RASGEF1C: variants seen among roughly 807,000 people sequenced by gnomAD.
RASGEF1C encodes the protein ras-GEF domain-containing family member 1C.
In RASGEF1C, 27 loss-of-function variants were observed where a neutral mutation model predicts 58.1. That is an observed-to-expected ratio of 0.46 (90% CI 0.34 to 0.64). The LOEUF (loss-of-function observed/expected upper bound fraction) is 0.64, where lower values mean the gene tolerates loss of function less well. Among genes scored for constraint, RASGEF1C ranks in the 30% least tolerant of loss-of-function variants. The probability of loss-of-function intolerance (pLI) is 0.01; values close to 1 mark genes in which losing one functional copy is unlikely to be tolerated. For synonymous variants in RASGEF1C, 243 were observed against 246.3 expected (o/e 0.99, Z 0.13); for missense variants, 502 against 605.1 (o/e 0.83, Z 1.79).
chr5:180,208,695 G>A (rs914890150), intron 1 of RASGEF1C, among the ~76,000 whole-genome samples: 3 of 152,066 alleles, frequency 2.0e-5, no homozygotes, highest in Non-Finnish European at 4.4e-5. Context: ...TGCGGGTGGA[G>A]GCTTTGGTCT....
chr5:180,142,798 T>G (rs935208319), intron 1 of RASGEF1C, among the ~76,000 whole-genome samples: 2 of 152,036 alleles, frequency 1.3e-5, no homozygotes, highest in African/African-American at 4.8e-5. Context: ...CCCCATCGTT[T>G]TAGAGTCATT....
chr5:180,111,612 C>T (rs762340797), intron 11 of RASGEF1C, 32 bp from the exon 12 acceptor site: 20 of 1,613,534 alleles, frequency 1.2e-5, no homozygotes, highest in African/African-American at 2.7e-5. Flanking sequence ...AGAATGGAGG[C>T]ACTCCAGTGC....
At chr5:180,127,395 C>T (rs1766280231) in intron 6 of RASGEF1C, among the ~76,000 whole-genome samples, 1 of 152,246 alleles carries the variant, frequency 6.6e-6, no homozygotes, top group Admixed American at 6.5e-5. Context: ...CCCCCACGTC[C>T]CGCACGTCCA....
At chr5:180,191,347 G>C (rs2127562821) in intron 1 of RASGEF1C, among the ~76,000 whole-genome samples, 1 of 143,750 alleles carries the variant, frequency 7.0e-6, no homozygotes, top group South Asian at 2.3e-4. Flanking sequence ...AATGTTCACA[G>C]TAGCTTTATT....
intron 1 of RASGEF1C, 99 bp from the exon 2 acceptor site, chr5:180,138,157 G>T: frequency 1.4e-6 from 1 of 700,034 alleles, no homozygotes; most frequent in South Asian, 2.2e-5. Context: ...GGCTGGGCAG[G>T]CTCCCCCCAC....
chr5:180,176,823 TG>T (rs2113318355), intron 1 of RASGEF1C, among the ~76,000 whole-genome samples: 1 of 152,304 alleles, frequency 6.6e-6, no homozygotes, highest in South Asian at 2.1e-4. Flanking sequence ...CCCAAAGTGC[TG>T]GGATTACAGG....
chr5:180,188,023 T>C (rs1756072190), intron 1 of RASGEF1C, among the ~76,000 whole-genome samples: 1 of 152,140 alleles, frequency 6.6e-6, no homozygotes, highest in African/African-American at 2.4e-5. Flanking sequence ...AACAAATACT[T>C]GTACATGAGT....
intron 1 of RASGEF1C, among the ~76,000 whole-genome samples, chr5:180,139,068 A>G (rs1356943361): frequency 6.6e-6 from 1 of 151,900 alleles, no homozygotes; most frequent in Admixed American, 6.6e-5. Flanking sequence ...TCTCTACCCA[A>G]ACCTCCAGGC....
chr5:180,102,307 C>T (rs952208731), intron 12 of RASGEF1C, among the ~76,000 whole-genome samples, 164 bp from the exon 13 acceptor site: 2 of 151,882 alleles, frequency 1.3e-5, no homozygotes, highest in Admixed American at 1.3e-4. Context: ...GACAGTAGTT[C>T]TATAACATTT....
chr5:180,204,616 C>CTCTA (rs56101660), intron 1 of RASGEF1C, among the ~76,000 whole-genome samples: 30,407 of 149,066 alleles, frequency 0.2, 3,403 homozygotes, highest in East Asian at 0.34. Flanking sequence ...ATGGATATTC[C>CTCTA]TCTATCTATC....
chr5:180,163,231 C>A (rs1278801531), intron 1 of RASGEF1C, among the ~76,000 whole-genome samples: 4 of 19,478 alleles, frequency 2.1e-4, no homozygotes, highest in East Asian at 9.2e-4. Flanking sequence ...CACCCCCTCA[C>A]TTTTTTTTTT....
intron 1 of RASGEF1C, among the ~76,000 whole-genome samples, chr5:180,203,450 A>G (rs1231310963): frequency 6.6e-6 from 1 of 152,230 alleles, no homozygotes. Context: ...ACATCCAGCC[A>G]AAATTTTAAG....
chr5:180,181,778 G>C (rs757690607), intron 1 of RASGEF1C, among the ~76,000 whole-genome samples: 19 of 152,200 alleles, frequency 1.2e-4, no homozygotes, highest in Non-Finnish European at 2.1e-4. Context: ...GGCAGCCCTA[G>C]GAAAGTGATA....
chr5:180,109,363 C>T (rs1300534144), intron 12 of RASGEF1C, among the ~76,000 whole-genome samples: 1 of 152,068 alleles, frequency 6.6e-6, no homozygotes, highest in Non-Finnish European at 1.5e-5. Flanking sequence ...GAGGCTGAGG[C>T]AGGAGAATGT....
chr5:180,124,240 A>G (rs751007849), intron 6 of RASGEF1C, among the ~76,000 whole-genome samples: 2,181 of 152,062 alleles, frequency 0.014, 21 homozygotes, highest in Non-Finnish European at 0.023. Flanking sequence ...TCAAAAAAAA[A>G]AAAAAGAAAA....
intron 1 of RASGEF1C, among the ~76,000 whole-genome samples, chr5:180,191,387 A>C (rs13178273): frequency 0.65 from 99,063 of 151,640 alleles, 34,312 homozygotes; most frequent in East Asian, 0.86. Context: ...GACGGAGTCT[A>C]GCTCTGTCGC....
intron 12 of RASGEF1C, 116 bp downstream of exon 12, chr5:180,111,328 TCCCGGAGCCAGCC>T: frequency 7.9e-7 from 1 of 1,266,662 alleles, no homozygotes; most frequent in Non-Finnish European, 1.1e-6. Context: ...CCTTGTTCCC[TCCCGGAGCCAGCC>T]CAGGTGGGCA....
At chr5:180,159,980 C>G (rs1335073236) in intron 1 of RASGEF1C, among the ~76,000 whole-genome samples, 1 of 152,224 alleles carries the variant, frequency 6.6e-6, no homozygotes, top group Non-Finnish European at 1.5e-5. Flanking sequence ...GATCCTGAAT[C>G]TAGCTGCACT....
chr5:180,153,283 G>A (rs1766794321), intron 1 of RASGEF1C, among the ~76,000 whole-genome samples: 1 of 152,208 alleles, frequency 6.6e-6, no homozygotes. Context: ...TGGAGTGCAA[G>A]GTCTTTATGG....
Sources: allele counts gnomAD v4.1 joint callset (sites outside exome capture counted in the v4.1 genomes callset), GRCh38; gene constraint gnomAD v4.1.1; transcripts MANE v1.5; gene names NCBI Gene and HGNC (gene_info 2026-07-23, HGNC 2026-07-21).